Variants in SPIDR observed in about 807,000 individuals in gnomAD.
SPIDR encodes scaffold protein involved in DNA repair, also known as DNA repair-scaffolding protein.
In SPIDR, 93 loss-of-function variants were observed where a neutral mutation model predicts 104.6. The observed-to-expected ratio is 0.89, with a 90% CI of 0.75 to 1.06. The LOEUF is 1.06. SPIDR is among the 50% of genes least tolerant of loss of function. The pLI is 0.00. For synonymous variants in SPIDR, 431 were observed against 416.9 expected (o/e 1.03, Z -0.41); for missense variants, 1,154 against 1,111.2 (o/e 1.04, Z -0.55).
intron 8 of SPIDR, chr8:47,547,452 G>C (rs896264145): frequency 4.4e-6 from 1 of 229,282 alleles, no homozygotes; most frequent in African/African-American, 2.4e-5. Context: ...TTTTGAGATG[G>C]AGTCTCGCTC....
At chr8:47,668,266 A>C (rs1375101155) in intron 10 of SPIDR, among the ~76,000 whole-genome samples, 1 of 152,164 alleles carries the variant, frequency 6.6e-6, no homozygotes, top group Non-Finnish European at 1.5e-5. Context: ...TTAAAGACCA[A>C]TATCATTAAT....
At chr8:47,712,086 G>C (rs1211567263) in intron 14 of SPIDR, among the ~76,000 whole-genome samples, 1 of 152,126 alleles carries the variant, frequency 6.6e-6, no homozygotes, top group Non-Finnish European at 1.5e-5. Flanking sequence ...CAAAAGGAAA[G>C]GGCAGAATAC....
chr8:47,265,692 C>T (rs2154210655), intron 1 of SPIDR, among the ~76,000 whole-genome samples: 1 of 152,290 alleles, frequency 6.6e-6, no homozygotes, highest in African/African-American at 2.4e-5. Flanking sequence ...GTCCCTTGCA[C>T]ATCTCATTCC....
intron 6 of SPIDR, among the ~76,000 whole-genome samples, chr8:47,400,681 T>C (rs1197955510): frequency 3.3e-4 from 50 of 150,864 alleles, no homozygotes; most frequent in East Asian, 1.4e-3. Flanking sequence ...TTCTTTCTTT[T>C]TTTTTTTTTT....
chr8:47,494,991 A>G (rs2079225475), intron 8 of SPIDR, among the ~76,000 whole-genome samples: 1 of 152,212 alleles, frequency 6.6e-6, no homozygotes. Flanking sequence ...TTCTCCATTC[A>G]TAAGACAGGG....
chr8:47,260,962 C>A lies in SPIDR; in HGVS notation c.4C>A (p.Pro2Thr). The A allele has an allele frequency of 8.1e-7, 1 of 1,229,548 alleles. No homozygotes were observed. The highest frequency in any genetic ancestry group is 1.6e-5 in the African/African-American group (1 of 64,200). The allele number at this position is 1,229,548 out of a possible 1,614,324, so 76.2% of individuals were successfully genotyped here. ...CGCTCAGGCGGCGCTCCCGGAGATG[C>A]CCCGCGGCAGCCGCGCTCGGGGCTC... is the stretch of plus-strand genomic sequence containing the variant. Reference protein sequence around the residue: MPRGSRARGSKR... With the variant: MTRGSRARGSKR... Residue 2 changes from proline to threonine, a missense_variant, in exon 1 of 20, where the codon CCC (proline) becomes ACC (threonine). Physicochemically the swap from Pro to Thr is conservative, Grantham distance 38. Transcript: ENST00000297423.
At chr8:47,705,941 T>C (rs956250718) in intron 14 of SPIDR, among the ~76,000 whole-genome samples, 2 of 151,766 alleles carry the variant, frequency 1.3e-5, no homozygotes, top group South Asian at 4.2e-4. Flanking sequence ...TCCGTTACAC[T>C]AATGACTAAG....
intron 5 of SPIDR, among the ~76,000 whole-genome samples, chr8:47,378,916 C>A (rs2172121): frequency 0.49 from 74,335 of 152,098 alleles, 22,231 homozygotes; most frequent in Non-Finnish European, 0.66. Flanking sequence ...TAATTGTGAA[C>A]AAGTAGCCAG....
intron 14 of SPIDR, among the ~76,000 whole-genome samples, chr8:47,706,921 C>T (rs1170634613): frequency 6.6e-6 from 1 of 151,298 alleles, no homozygotes; most frequent in African/African-American, 2.4e-5. Flanking sequence ...AGCCCAAGAC[C>T]ACCTTGGCCA....
rs1191936495 is a variant in SPIDR, at chr8:47,590,842, C to T, written c.1098-4969C>T. ...GAATCTATGTTGTTTGTTGCAGATA[C>T]ATTTAGGATTGCTATGTCTTCATGG... On this transcript the variant is annotated intron_variant, in intron 8 of 19. Transcript: ENST00000297423. Among the ~76,000 whole-genome samples, 4 of 152,150 alleles carry T rather than the reference C, an allele frequency of 2.6e-5. 1 individual carries two copies. Among genetic ancestry groups the T allele is most frequent in the South Asian group, 4.1e-4 (2 of 4,830 alleles).
chr8:47,311,756 A>G (rs2044206204), intron 5 of SPIDR, among the ~76,000 whole-genome samples: 1 of 151,850 alleles, frequency 6.6e-6, no homozygotes, highest in African/African-American at 2.4e-5. Flanking sequence ...TTTAGGGTAC[A>G]TGTGCACAAT....
chr8:47,302,431 T>G (rs2042261500), intron 5 of SPIDR, among the ~76,000 whole-genome samples: 1 of 152,144 alleles, frequency 6.6e-6, no homozygotes. Context: ...GTCTGAAGCC[T>G]TCTTCTCTCA....
At position 47,270,293 on chromosome 8, in the gene SPIDR, T is replaced by C. The variant is rs750721445; in HGVS notation, c.33+9302T>C. Among the ~76,000 whole-genome samples, 751 of 152,356 alleles carry C rather than the reference T, an allele frequency of 4.9e-3. 3 individuals carry two copies. Among genetic ancestry groups the C allele is most frequent in the Non-Finnish European group, 9.3e-3 (630 of 68,026 alleles). On this transcript the variant is annotated intron_variant, in intron 1 of 19. Transcript: ENST00000297423. ...TTCTTTGTAGGAAGTTTTAAAGTTA[T>C]GACTCAATCTCTTTGTTTGTTACAG...
intron 5 of SPIDR, among the ~76,000 whole-genome samples, chr8:47,393,649 TTTCTC>T (rs1458506327): frequency 1.3e-5 from 2 of 151,628 alleles, no homozygotes; most frequent in African/African-American, 2.4e-5. Flanking sequence ...TCTTTTCTCT[TTTCTC>T]TTTTCTTTTC....
intron 5 of SPIDR, among the ~76,000 whole-genome samples, chr8:47,335,971 C>T (rs200354916): frequency 1.3e-5 from 2 of 150,864 alleles, no homozygotes; most frequent in Non-Finnish European, 2.9e-5. Flanking sequence ...CTTAGTTTCT[C>T]GGATCTGTGT....
rs782448771 is a variant in SPIDR at position 47,440,506 on chromosome 8, G to A, written c.1061G>A (p.Gly354Asp). The change falls in exon 8 of 20, where the codon GGC (glycine) becomes GAC (aspartate). Residue 354 changes from glycine to aspartate, a missense_variant. By Grantham distance (94) the Gly-to-Asp change is moderately conservative. Transcript: ENST00000297423. Reference protein sequence around the residue: ...FTKETAGYLRGRPQDTVRIFP... With the variant: ...FTKETAGYLRDRPQDTVRIFP... ...AAGGAGACTGCAGGCTACCTCAGGG[G>A]CCGTCCCCAGGACACTGTCCGGATC... is the stretch of plus-strand genomic sequence containing the variant. 1.5e-5 allele frequency: 24 copies of A among 1,614,204 alleles called. No homozygotes were observed. Among genetic ancestry groups the A allele is most frequent in the South Asian group, 5.5e-5 (5 of 91,088 alleles).
intron 10 of SPIDR, among the ~76,000 whole-genome samples, chr8:47,673,200 A>G (rs2076008496): frequency 6.6e-6 from 1 of 152,248 alleles, no homozygotes; most frequent in East Asian, 1.9e-4. Flanking sequence ...AACATCATCT[A>G]AACTTAAAAG....
intron 8 of SPIDR, among the ~76,000 whole-genome samples, chr8:47,501,463 A>G (rs1043073390): frequency 6.6e-6 from 1 of 152,032 alleles, no homozygotes; most frequent in Non-Finnish European, 1.5e-5. Flanking sequence ...TTGGTGTATA[A>G]GAATGCTTGT....
rs1315763840 is a variant in SPIDR, at chr8:47,395,809, A to T, written c.526-567A>T. On this transcript the variant is annotated intron_variant, in intron 5 of 19. Transcript: ENST00000297423. ...GAAATCTTAGGAAAAGGAGACAATG[A>T]CTCATATTCTTAAATAGTTCCTGTT... Among the ~76,000 whole-genome samples the T allele has an allele frequency of 2.0e-5, 3 of 152,170 alleles. No individual in the cohort carries two copies. In the East Asian group the frequency reaches 5.8e-4, roughly 29 times the overall value.
Sources: allele counts gnomAD v4.1 joint callset (sites outside exome capture counted in the v4.1 genomes callset), GRCh38; gene constraint gnomAD v4.1.1; transcripts MANE v1.5; gene names NCBI Gene and HGNC (gene_info 2026-07-23, HGNC 2026-07-21).